The following LPP variants were observed in gnomAD, a reference collection of about 807,000 sequenced individuals.
LPP encodes the protein LIM domain containing preferred translocation partner in lipoma, also known as lipoma-preferred partner.
LPP carries 38 observed loss-of-function variants against 60.4 expected under a neutral mutation model. The ratio of observed to expected loss-of-function variants is 0.63; its 90% CI spans 0.49 to 0.83. LPP has a LOEUF of 0.83. LPP is among the 40% of genes least tolerant of loss of function. LPP has a pLI of 0.00. For synonymous variants in LPP, 328 were observed against 290.8 expected (o/e 1.13, Z -1.30); for missense variants, 902 against 783.6 (o/e 1.15, Z -1.80).
chr3:188,269,120 G>C (rs1560180458), intron 2 of LPP, among the ~76,000 whole-genome samples: 2 of 152,174 alleles, frequency 1.3e-5, no homozygotes, highest in African/African-American at 4.8e-5. Context: ...TGGTTTGTGG[G>C]TGATCATATA....
chr3:188,775,055 G>GTTTTTTTT (rs58627957), intron 9 of LPP, among the ~76,000 whole-genome samples: 1 of 136,686 alleles, frequency 7.3e-6, no homozygotes, highest in African/African-American at 2.7e-5. Context: ...CATGCTTAGT[G>GTTTTTTTT]TTTTTTTTTT....
chr3:188,652,639 C>A (rs1004960181), intron 7 of LPP, among the ~76,000 whole-genome samples: 11 of 152,184 alleles, frequency 7.2e-5, no homozygotes, highest in Non-Finnish European at 2.9e-5. Context: ...GGGGACAGCC[C>A]TGTGGCTTTA....
intron 2 of LPP, among the ~76,000 whole-genome samples, chr3:188,268,143 C>G (rs1426211766): frequency 6.7e-6 from 1 of 149,468 alleles, no homozygotes; most frequent in Non-Finnish European, 1.5e-5. Context: ...TGCTATTCTT[C>G]AGAGAAGGTT....
intron 8 of LPP, 42 bp downstream of exon 8, chr3:188,708,435 C>G: frequency 1.2e-6 from 2 of 1,613,816 alleles, no homozygotes; most frequent in Non-Finnish European, 1.7e-6. Context: ...AACTATCTTG[C>G]TCTGATTTCC....
At chr3:188,516,275 G>A (rs772406944) in intron 5 of LPP, among the ~76,000 whole-genome samples, 4 of 152,108 alleles carry the variant, frequency 2.6e-5, no homozygotes, top group Admixed American at 6.5e-5. Flanking sequence ...ACAACAGTTT[G>A]TATCTCTTTC....
chr3:188,193,138 G>A (rs1054003121), intron 1 of LPP, among the ~76,000 whole-genome samples: 2 of 152,164 alleles, frequency 1.3e-5, no homozygotes, highest in African/African-American at 4.8e-5. Context: ...CCTATAACTT[G>A]ACTTTAGGGA....
intron 9 of LPP, among the ~76,000 whole-genome samples, chr3:188,795,841 T>C (rs1745179073): frequency 6.6e-6 from 1 of 152,232 alleles, no homozygotes; most frequent in Non-Finnish European, 1.5e-5. Context: ...TTTATTCCTA[T>C]ATGTGTTTTC....
In LPP at chr3:188,815,535, GA is replaced by G. The variant is rs530949707; in HGVS notation, c.1411-50657del. 1.3e-4 allele frequency among the ~76,000 whole-genome samples: 17 copies of G among 135,670 alleles called. 1 individual carries two copies. The East Asian group carries it at 3.0e-3, about 24-fold the overall frequency. The allele number at this position is 135,670 out of a possible 152,430, so 89.0% of individuals were successfully genotyped here. A position where few individuals can be genotyped will look rare whatever the true frequency, so the allele number is the denominator to read the frequency against. On this transcript the variant is annotated intron_variant, in intron 9 of 11. Transcript: ENST00000617246. ...TAATAGATGATTCTATCTCCCTTTAGAAAAAAAAGAAAAAAAAAAAGCAGCA... is the reference window on the plus strand; with the variant it reads ...TAATAGATGATTCTATCTCCCTTTAGAAAAAAAGAAAAAAAAAAAGCAGCA...
chr3:188,173,602 G>A (rs776433848), intron 1 of LPP, among the ~76,000 whole-genome samples: 2 of 152,112 alleles, frequency 1.3e-5, no homozygotes, highest in African/African-American at 4.8e-5. Context: ...CTACTATGAC[G>A]TATAATGTTG....
intron 8 of LPP, among the ~76,000 whole-genome samples, chr3:188,713,252 A>G (rs1712346444): frequency 6.6e-6 from 1 of 152,226 alleles, no homozygotes; most frequent in Non-Finnish European, 1.5e-5. Flanking sequence ...AAAAATGCAG[A>G]TGATGGGACA....
chr3:188,290,559 T>C (rs1303027567), intron 2 of LPP, among the ~76,000 whole-genome samples: 1 of 150,876 alleles, frequency 6.6e-6, no homozygotes, highest in Non-Finnish European at 1.5e-5. Context: ...GAAGGACAGG[T>C]ACACAGTGAA....
intron 9 of LPP, among the ~76,000 whole-genome samples, chr3:188,780,690 A>G (rs1028198373): frequency 1.3e-5 from 2 of 152,134 alleles, no homozygotes; most frequent in African/African-American, 4.8e-5. Flanking sequence ...CCTGACCTCA[A>G]GACCATTGTT....
In LPP at chr3:188,648,122, T is replaced by C. The variant is rs541824312; in HGVS notation, c.1113+38278T>C. 1.6e-4 allele frequency among the ~76,000 whole-genome samples: 24 copies of C among 152,328 alleles called. No homozygotes were observed. In the South Asian group the frequency reaches 4.8e-3, roughly 30 times the overall value. On this transcript the variant is annotated intron_variant, in intron 7 of 11. Coordinates refer to ENST00000617246, the MANE Select transcript of LPP (RefSeq NM_001375462.1). ...GAACCTTCCTCATATTCCATTAATA[T>C]GTTGGTGCTCTGCATTATAGTAGTA...
intron 4 of LPP, among the ~76,000 whole-genome samples, chr3:188,451,866 A>G (rs1329875708): frequency 6.6e-6 from 1 of 152,186 alleles, no homozygotes; most frequent in Non-Finnish European, 1.5e-5. Context: ...AGTTGTTTTG[A>G]GGACTTTTAT....
chr3:188,629,404 G>A (rs1847444996), intron 7 of LPP, among the ~76,000 whole-genome samples: 1 of 152,054 alleles, frequency 6.6e-6, no homozygotes, highest in African/African-American at 2.4e-5. Context: ...ACAAAAATCA[G>A]TTGCCTTTCT....
chr3:188,264,235 A>T (rs1259810521), intron 2 of LPP, among the ~76,000 whole-genome samples: 23 of 152,014 alleles, frequency 1.5e-4, no homozygotes, highest in Admixed American at 1.4e-3. Context: ...GAAGGCAAGA[A>T]CAATAGGAAC....
chr3:188,259,308 TGA>T (rs1211604132), intron 2 of LPP, among the ~76,000 whole-genome samples: 3 of 152,170 alleles, frequency 2.0e-5, no homozygotes, highest in African/African-American at 7.2e-5. Context: ...AGCATGACAT[TGA>T]GTGTTCACCC....
chr3:188,490,619 C>G (rs1256485873), intron 5 of LPP, among the ~76,000 whole-genome samples: 1 of 152,048 alleles, frequency 6.6e-6, no homozygotes, highest in Non-Finnish European at 1.5e-5. Flanking sequence ...CCACCTCGGC[C>G]CCACGAAGTG....
intron 9 of LPP, among the ~76,000 whole-genome samples, chr3:188,790,313 A>T (rs1332774453): frequency 1.3e-5 from 2 of 152,072 alleles, no homozygotes; most frequent in Non-Finnish European, 2.9e-5. Context: ...AATTTCAAAC[A>T]TGAGTGTTTA....
Sources: gnomAD v4.1 joint callset for allele counts (sites outside exome capture counted in the v4.1 genomes callset) on GRCh38, gnomAD v4.1.1 for gene constraint, MANE v1.5 for transcripts, NCBI Gene and HGNC (gene_info 2026-07-23, HGNC 2026-07-21) for gene names.